The following ACVR1C variants were observed in gnomAD, a reference collection of about 807,000 sequenced individuals.
ACVR1C encodes the protein activin receptor type-1C.
ACVR1C carries 23 observed loss-of-function variants against 57.9 expected under a neutral mutation model. That is an observed-to-expected ratio of 0.40 (90% CI 0.29 to 0.56). ACVR1C has a LOEUF of 0.56. Among genes scored for constraint, ACVR1C ranks in the 20% least tolerant of loss-of-function variants. The pLI is 0.50. For missense variants in ACVR1C, 480 were observed against 607.9 expected (o/e 0.79, Z 2.21); for synonymous variants, 214 against 215.3 (o/e 0.99, Z 0.05).
intron 1 of ACVR1C, among the ~76,000 whole-genome samples, chr2:157,591,127 T>C (rs1452707775): frequency 6.6e-6 from 1 of 151,970 alleles, no homozygotes; most frequent in Non-Finnish European, 1.5e-5. Context: ...CATAAAGGAA[T>C]AGCCAAATGA....
At chr2:157,604,358 T>C (rs933746532) in intron 1 of ACVR1C, among the ~76,000 whole-genome samples, 8 of 152,198 alleles carry the variant, frequency 5.3e-5, no homozygotes, top group African/African-American at 1.9e-4. Context: ...GTCAAACGAA[T>C]GCAGTCTTTT....
intron 1 of ACVR1C, among the ~76,000 whole-genome samples, chr2:157,595,712 C>T (rs1433555065): frequency 6.6e-6 from 1 of 152,122 alleles, no homozygotes; most frequent in Non-Finnish European, 1.5e-5. Context: ...TCTTCCCACT[C>T]CTCCAACCTC....
intron 5 of ACVR1C, 40 bp downstream of exon 5, chr2:157,544,405 C>G: frequency 6.4e-7 from 1 of 1,556,798 alleles, no homozygotes; most frequent in Non-Finnish European, 8.7e-7. Context: ...CCTCTATCCT[C>G]ATATTCAAAG....
chr2:157,581,208 TA>T (rs1258453608), intron 2 of ACVR1C, among the ~76,000 whole-genome samples: 3 of 151,618 alleles, frequency 2.0e-5, no homozygotes, highest in Non-Finnish European at 4.4e-5. Context: ...GAGCTCACAA[TA>T]AAATAAATCA....
intron 4 of ACVR1C, among the ~76,000 whole-genome samples, chr2:157,549,874 G>T (rs1030413865): frequency 2.0e-5 from 3 of 149,132 alleles, no homozygotes; most frequent in Non-Finnish European, 4.5e-5. Flanking sequence ...GTAGTGGCGG[G>T]CGCCTGTAGT....
rs1413252584 is a variant in ACVR1C at position 157,554,331 on chromosome 2, GAGAA to G, written c.544+1758_544+1761del. 3.7e-5 allele frequency among the ~76,000 whole-genome samples: 5 copies of G among 133,606 alleles called. 1 individual carries two copies. The highest frequency in any genetic ancestry group is 5.8e-5 in the African/African-American group (2 of 34,520). 87.7% of individuals were successfully genotyped at this position (133,606 alleles called of 152,430 possible). A position where few individuals can be genotyped will look rare whatever the true frequency, so the allele number is the denominator to read the frequency against. ...AAAGGAAAAGAAAAAGAAAAAGAAA[GAGAA>G]AGAGAGAAAGAAAGAAAGAGAAAGA... On this transcript the variant is annotated intron_variant, in intron 3 of 8. Transcript: ENST00000243349.
At chr2:157,554,199 GAGAGAA>G (rs1687996625) in intron 3 of ACVR1C, among the ~76,000 whole-genome samples, 4 of 79,044 alleles carry the variant, frequency 5.1e-5, no homozygotes, top group South Asian at 3.6e-4. Flanking sequence ...AAATAAAGAA[GAGAGAA>G]AGAAAGAAAG....
chr2:157,549,304 G>A (rs554762605), intron 4 of ACVR1C, among the ~76,000 whole-genome samples: 55 of 152,240 alleles, frequency 3.6e-4, no homozygotes, highest in African/African-American at 1.3e-3. Context: ...GGTGGAGGTT[G>A]CAGTGAGCTG....
chr2:157,598,620 A>T (rs1682198166), intron 1 of ACVR1C, among the ~76,000 whole-genome samples: 1 of 151,548 alleles, frequency 6.6e-6, no homozygotes, highest in African/African-American at 2.4e-5. Context: ...GCTCACTGCA[A>T]TCCCCACCTC....
rs943198565 is a variant in ACVR1C, at chr2:157,529,443, G to A, written c.*4475C>T. ...TCATCATCATTGAATGGCACATTAC[G>A]TTAGTGTGCATTCAAGGTAGGTTTA... On this transcript the variant is annotated 3_prime_UTR_variant, in exon 9 of 9. Transcript: ENST00000243349. The A allele has an allele frequency of 3.9e-5, 6 of 152,058 alleles. No homozygotes were observed. Among genetic ancestry groups the A allele is most frequent in the Non-Finnish European group, 7.4e-5 (5 of 67,984 alleles). The allele number at this position is 152,058 out of a possible 1,614,324, so 9.4% of individuals were successfully genotyped here. A position where few individuals can be genotyped will look rare whatever the true frequency, so the allele number is the denominator to read the frequency against.
At position 157,532,387 on chromosome 2, in the gene ACVR1C, T is replaced by G. The variant is rs1215265241; in HGVS notation, c.*1531A>C. 1 of 151,824 alleles carries G rather than the reference T, an allele frequency of 6.6e-6. No homozygotes were observed. Among genetic ancestry groups the G allele is most frequent in the Non-Finnish European group, 1.5e-5 (1 of 67,902 alleles). The allele number at this position is 151,824 out of a possible 1,614,324, so 9.4% of individuals were successfully genotyped here. Reference sequence around the variant, plus strand: ...TACTGTTATTAGTTTTTTTTTTTTTTTTTACTGTTATCAATAGCATTTACT... The same window carrying G: ...TACTGTTATTAGTTTTTTTTTTTTTGTTTACTGTTATCAATAGCATTTACT... On this transcript the variant is annotated 3_prime_UTR_variant, in exon 9 of 9. Coordinates refer to ENST00000243349, the MANE Select transcript of ACVR1C (RefSeq NM_145259.3).
chr2:157,594,209 T>C (rs762315892), intron 1 of ACVR1C, among the ~76,000 whole-genome samples: 1 of 152,158 alleles, frequency 6.6e-6, no homozygotes, highest in Non-Finnish European at 1.5e-5. Flanking sequence ...GAGGTTTTAG[T>C]TCACCTGACC....
chr2:157,627,544 T>C (rs1682923512), intron 1 of ACVR1C, among the ~76,000 whole-genome samples: 1 of 152,188 alleles, frequency 6.6e-6, no homozygotes, highest in African/African-American at 2.4e-5. Flanking sequence ...TTCAAATCAT[T>C]CTCTTGCACA....
At chr2:157,554,260 AAAGAAAGAAAGG>A (rs1393114048) in intron 3 of ACVR1C, among the ~76,000 whole-genome samples, 8 of 131,394 alleles carry the variant, frequency 6.1e-5, no homozygotes, top group Non-Finnish European at 1.3e-4. Context: ...AGAAAGAAAG[AAAGAAAGAAAGG>A]AAGGAAGGAA....
At chr2:157,608,215 A>G (rs969942511) in intron 1 of ACVR1C, among the ~76,000 whole-genome samples, 7 of 151,924 alleles carry the variant, frequency 4.6e-5, no homozygotes, top group African/African-American at 1.4e-4. Context: ...ATTTTATCAA[A>G]TACTTTTTCT....
At chr2:157,564,958 G>T (rs1345200622) in intron 2 of ACVR1C, among the ~76,000 whole-genome samples, 1 of 152,088 alleles carries the variant, frequency 6.6e-6, no homozygotes, top group Non-Finnish European at 1.5e-5. Flanking sequence ...GACCTGTCAG[G>T]GGGTGGAGGG....
chr2:157,622,336 G>A (rs1410516065), intron 1 of ACVR1C, among the ~76,000 whole-genome samples: 2 of 152,104 alleles, frequency 1.3e-5, no homozygotes, highest in Non-Finnish European at 2.9e-5. Context: ...GGACAAAACT[G>A]GAAGAATCCC....
chr2:157,573,134 T>C (rs1423735592), intron 2 of ACVR1C, among the ~76,000 whole-genome samples: 1 of 152,214 alleles, frequency 6.6e-6, no homozygotes, highest in African/African-American at 2.4e-5. Flanking sequence ...TTTAAAATTA[T>C]TAGTTTTTGA....
At position 157,528,099 on chromosome 2, in the gene ACVR1C, T is replaced by C. The variant is rs1046386499; in HGVS notation, c.*5819A>G. The C allele has an allele frequency of 6.6e-6, 1 of 152,232 alleles. No homozygotes were observed. Among genetic ancestry groups the C allele is most frequent in the Non-Finnish European group, 1.5e-5 (1 of 68,036 alleles). 9.4% of individuals were successfully genotyped at this position (152,232 alleles called of 1,614,324 possible). A position where few individuals can be genotyped will look rare whatever the true frequency, so the allele number is the denominator to read the frequency against. ...TTAATTCTCATTTTCTGAAGATGTATAAGCCAGACCATTCTTTAAACACAT... is the reference window on the plus strand; with the variant it reads ...TTAATTCTCATTTTCTGAAGATGTACAAGCCAGACCATTCTTTAAACACAT... On this transcript the variant is annotated 3_prime_UTR_variant, in exon 9 of 9. Transcript: ENST00000243349.
Sources: gnomAD v4.1 joint callset for allele counts (sites outside exome capture counted in the v4.1 genomes callset) on GRCh38, gnomAD v4.1.1 for gene constraint, MANE v1.5 for transcripts, NCBI Gene and HGNC (gene_info 2026-07-23, HGNC 2026-07-21) for gene names.